Variants in SLC18A3 observed in about 807,000 individuals in gnomAD.
SLC18A3 encodes vesicular acetylcholine transporter.
In SLC18A3, 18 loss-of-function variants were observed where a neutral mutation model predicts 24.2. That is an observed-to-expected ratio of 0.74 (90% confidence interval 0.51 to 1.10). The LOEUF (loss-of-function observed/expected upper bound fraction) is 1.10. SLC18A3 is among the 50% of genes least tolerant of loss of function. The pLI, the probability that SLC18A3 is intolerant of heterozygous loss-of-function variation, is 0.00. For missense variants in SLC18A3, 744 were observed against 750.7 expected (o/e 0.99, Z 0.10); for synonymous variants, 415 against 355.4 (o/e 1.17, Z -1.89).
Position 49,612,012 on chromosome 10 carries a change from C to T in SLC18A3, c.1272C>T (p.Ala424=). The T allele has an allele frequency of 1.2e-6, 2 of 1,613,756 alleles. No individual in the cohort carries two copies. Among genetic ancestry groups the T allele is most frequent in the Non-Finnish European group, 8.5e-7 (1 of 1,179,984 alleles). Residue 424 remains alanine, a synonymous_variant, in exon 1 of 1, where the codon GCC becomes GCT. Transcript: ENST00000374115. ...TCTATGGCAGCGTCTACGCCATCGC[C>T]GACATCTCCTATTCGGTGGCCTACG... ...VSVYGSVYAI[A]DISYSVAYAL...
In SLC18A3 at chr10:49,611,447, A is replaced by T. The variant is rs1228249125; in HGVS notation, c.707A>T (p.Tyr236Phe). The change falls in exon 1 of 1, where the codon TAT (tyrosine) becomes TTT (phenylalanine). Residue 236 changes from tyrosine to phenylalanine, a missense_variant. By Grantham distance (22) the Tyr-to-Phe change is conservative (BLOSUM62 3). This residue lies in a region of SLC18A3 where 566 missense variants were observed against 566.2 expected (regional missense o/e 1.00). Coordinates refer to ENST00000374115, the MANE Select transcript of SLC18A3 (RefSeq NM_003055.3). ...GCCCCGCCCTTCGGGGGCATCCTCT[A>T]TGAGTTCGCCGGCAAGCGCGTGCCC... ...LVAPPFGGIL[Y>F]EFAGKRVPFL... 1 of 1,598,330 alleles carries T rather than the reference A, an allele frequency of 6.3e-7. No individual in the cohort carries two copies. The highest frequency in any genetic ancestry group is 8.5e-7 in the Non-Finnish European group (1 of 1,179,364).
In SLC18A3 at chr10:49,612,139, C is replaced by T. The variant is rs1211145611; in HGVS notation, c.1399C>T (p.Leu467=). 2 of 1,611,912 alleles carry T rather than the reference C, an allele frequency of 1.2e-6. No individual in the cohort carries two copies. Among genetic ancestry groups the T allele is most frequent in the Non-Finnish European group, 1.7e-6 (2 of 1,179,750 alleles). ...LANLLYAPVL[L]LLRNVGLLTR... ...CAACCTGCTCTATGCTCCCGTCTTGCTGCTGCTCCGCAACGTGGGCCTCCT... is the reference window on the plus strand; with the variant it reads ...CAACCTGCTCTATGCTCCCGTCTTGTTGCTGCTCCGCAACGTGGGCCTCCT... The change falls in exon 1 of 1, where the codon CTG becomes TTG. Residue 467 remains leucine (L), a synonymous_variant. Coordinates refer to ENST00000374115, the MANE Select transcript of SLC18A3 (RefSeq NM_003055.3).
chr10:49,612,028 G>A lies in SLC18A3; in HGVS notation c.1288G>A (p.Val430Met), dbSNP rs1291394463. 1 of 1,613,636 alleles carries A rather than the reference G, an allele frequency of 6.2e-7. No homozygotes were observed. The highest frequency in any genetic ancestry group is 8.5e-7 in the Non-Finnish European group (1 of 1,179,986). The change falls in exon 1 of 1, where the codon GTG becomes ATG. Residue 430 changes from valine (V) to methionine (M), a missense_variant. Coordinates refer to ENST00000374115, the MANE Select transcript of SLC18A3 (RefSeq NM_003055.3). ...VYAIADISYSVAYALGPIVAG... is the reference protein window; with the variant it reads ...VYAIADISYSMAYALGPIVAG... ...CGCCATCGCCGACATCTCCTATTCG[G>A]TGGCCTACGCGCTCGGGCCCATAGT...
In SLC18A3 at chr10:49,611,739, G is replaced by A. The variant is rs1323911631; in HGVS notation, c.999G>A (p.Pro333=). The change falls in exon 1 of 1, where the codon CCG becomes CCA. Residue 333 remains proline (P), a synonymous_variant. Coordinates refer to ENST00000374115, the MANE Select transcript of SLC18A3 (RefSeq NM_003055.3). ...GGGAGATGGGCATGGCCTGGCTGCC[G>A]GCCTTCGTGCCTCATGTGCTGGGCG... ...SEWEMGMAWL[P]AFVPHVLGVY... 2.5e-6 allele frequency: 4 copies of A among 1,604,874 alleles called. No individual in the cohort carries two copies. Among genetic ancestry groups the A allele is most frequent in the Non-Finnish European group, 3.4e-6 (4 of 1,179,946 alleles).
chr10:49,611,742 C>A lies in SLC18A3; in HGVS notation c.1002C>A (p.Ala334=). The change falls in exon 1 of 1, where the codon GCC becomes GCA. Residue 334 remains alanine, a synonymous_variant. Transcript: ENST00000374115. ...EWEMGMAWLP[A]FVPHVLGVYL... is the part of the protein sequence containing the mutation. ...AGATGGGCATGGCCTGGCTGCCGGC[C>A]TTCGTGCCTCATGTGCTGGGCGTCT... 6.2e-7 allele frequency: 1 copy of A among 1,604,772 alleles called. No individual in the cohort carries two copies. The highest frequency in any genetic ancestry group is 8.5e-7 in the Non-Finnish European group (1 of 1,179,944).
At position 49,610,893 on chromosome 10, in the gene SLC18A3, G is replaced by T. The variant is rs1838275121; in HGVS notation, c.153G>T (p.Met51Ile). Residue 51 changes from methionine (M) to isoleucine (I), a missense_variant, in exon 1 of 1, where the codon ATG becomes ATT. Around this residue, in one of 3 missense-constraint regions of SLC18A3, gnomAD observed 566 missense variants for 566.2 expected, o/e 1.00. Transcript: ENST00000374115. ...VALLLDNMLY[M>I]VIVPIVPDYI... ...TGTTACTGGACAACATGCTGTACAT[G>T]GTCATCGTGCCCATAGTGCCCGACT... is the stretch of plus-strand genomic sequence containing the variant. 2 of 1,612,972 alleles carry T rather than the reference G, an allele frequency of 1.2e-6. No individual in the cohort carries two copies. The highest frequency in any genetic ancestry group is 1.7e-6 in the Non-Finnish European group (2 of 1,179,462).
rs554262479 is a variant in SLC18A3 at position 49,611,821 on chromosome 10, G to A, written c.1081G>A (p.Ala361Thr). 6.2e-7 allele frequency: 1 copy of A among 1,603,782 alleles called. No homozygotes were observed. Residue 361 changes from alanine to threonine, a missense_variant, in exon 1 of 1, where the codon GCG becomes ACG. By Grantham distance (58) the Ala-to-Thr change is moderately conservative. Coordinates refer to ENST00000374115, the MANE Select transcript of SLC18A3 (RefSeq NM_003055.3). ...CCCACACCTGCAGTGGCTGTACGGC[G>A]CGCTTGGGCTGGCTGTGATCGGCGC... ...RYPHLQWLYG[A>T]LGLAVIGASS...
chr10:49,611,886 G>C lies in SLC18A3; in HGVS notation c.1146G>C (p.Pro382=). 6.2e-7 allele frequency: 1 copy of C among 1,610,256 alleles called. No homozygotes were observed. Among genetic ancestry groups the C allele is most frequent in the Non-Finnish European group, 8.5e-7 (1 of 1,179,934 alleles). The change falls in exon 1 of 1, where the codon CCG becomes CCC. Residue 382 remains proline, a synonymous_variant. Transcript: ENST00000374115. ...CIVPACRSFA[P]LVVSLCGLCF... is the part of the protein sequence containing the mutation. Reference sequence around the variant, plus strand: ...TGCCCGCCTGCCGCTCCTTCGCGCCGCTAGTGGTCTCACTATGCGGCCTCT... The same window carrying C: ...TGCCCGCCTGCCGCTCCTTCGCGCCCCTAGTGGTCTCACTATGCGGCCTCT...
At position 49,610,886 on chromosome 10, in the gene SLC18A3, T is replaced by TGTCCA. The variant is rs1838274929; in HGVS notation, c.148_149insCCAGT (p.Tyr50SerfsTer9). The TGTCCA allele has an allele frequency of 6.2e-7, 1 of 1,613,226 alleles. No individual in the cohort carries two copies. The highest frequency in any genetic ancestry group is 1.7e-5 in the Admixed American group (1 of 59,950). ...GTGGCGCTGTTACTGGACAACATGC[T>TGTCCA]GTACATGGTCATCGTGCCCATAGTG... On this transcript the variant is annotated frameshift_variant, in exon 1 of 1. Coordinates refer to ENST00000374115, the MANE Select transcript of SLC18A3 (RefSeq NM_003055.3). LOFTEE classifies it high-confidence loss of function.
rs1838260723 is a variant in SLC18A3, at chr10:49,610,515, AGCCGCG to A, written c.-224_-219del. On this transcript the variant is annotated 5_prime_UTR_variant, in exon 1 of 1. Transcript: ENST00000374115. ...CTTCCCGGCCGCCCCTGAGCCCAGC[AGCCGCG>A]GGTCCCGGGATCGGCTAAGAGTAGC... 1 of 444,992 alleles carries A rather than the reference AGCCGCG, an allele frequency of 2.2e-6. No individual in the cohort carries two copies. The highest frequency in any genetic ancestry group is 2.0e-5 in the African/African-American group (1 of 48,830). The allele number at this position is 444,992 out of a possible 1,614,324, so 27.6% of individuals were successfully genotyped here.
In SLC18A3 at chr10:49,611,256, C is replaced by A. The variant is rs1210881274; in HGVS notation, c.516C>A (p.Ala172=). 3.7e-6 allele frequency: 6 copies of A among 1,612,930 alleles called. No individual in the cohort carries two copies. The highest frequency in any genetic ancestry group is 2.2e-5 in the South Asian group (2 of 91,072). ...CCTCTACAGTCCTGTTCGCCTTCGC[C>A]GAGGACTACGCCACGCTGTTCGCGG... ...MFASTVLFAF[A]EDYATLFAAR... Residue 172 remains alanine, a synonymous_variant, in exon 1 of 1, where the codon GCC becomes GCA. Coordinates refer to ENST00000374115, the MANE Select transcript of SLC18A3 (RefSeq NM_003055.3).
chr10:49,611,821 G>T lies in SLC18A3; in HGVS notation c.1081G>T (p.Ala361Ser), dbSNP rs554262479. ...RYPHLQWLYG[A>S]LGLAVIGASS... The stretch of plus-strand genomic sequence containing the variant: ...CCCACACCTGCAGTGGCTGTACGGC[G>T]CGCTTGGGCTGGCTGTGATCGGCGC... Residue 361 changes from alanine to serine, a missense_variant, in exon 1 of 1, where the codon GCG (alanine) becomes TCG (serine). Coordinates refer to ENST00000374115, the MANE Select transcript of SLC18A3 (RefSeq NM_003055.3). 2.1e-5 allele frequency: 34 copies of T among 1,603,782 alleles called. 1 individual carries two copies. The South Asian group carries it at 3.5e-4, about 17-fold the overall frequency.
rs1838315890 is a variant in SLC18A3 at position 49,612,131 on chromosome 10, C to A, written c.1391C>A (p.Pro464His). 1 of 1,612,190 alleles carries A rather than the reference C, an allele frequency of 6.2e-7. No individual in the cohort carries two copies. Among genetic ancestry groups the A allele is most frequent in the Non-Finnish European group, 8.5e-7 (1 of 1,179,748 alleles). Residue 464 changes from proline to histidine, a missense_variant, in exon 1 of 1, where the codon CCC (proline) becomes CAC (histidine). By Grantham distance (77) the Pro-to-His change is moderately conservative. Coordinates refer to ENST00000374115, the MANE Select transcript of SLC18A3 (RefSeq NM_003055.3). Reference sequence around the variant, plus strand: ...GGACTGGCCAACCTGCTCTATGCTCCCGTCTTGCTGCTGCTCCGCAACGTG... The same window carrying A: ...GGACTGGCCAACCTGCTCTATGCTCACGTCTTGCTGCTGCTCCGCAACGTG... ...GMGLANLLYA[P>H]VLLLLRNVGL... is the part of the protein sequence containing the mutation.
In SLC18A3 at chr10:49,611,091, G is replaced by A. The variant is rs1258093533; in HGVS notation, c.351G>A (p.Thr117=). ...CAGCCCTTCGGCCCCGCTACCCTAC[G>A]GAGAGCGAAGACGTGAAGATCGGGG... ...AGSALRPRYP[T]ESEDVKIGVL... Residue 117 remains threonine (T), a synonymous_variant, in exon 1 of 1, where the codon ACG becomes ACA. Transcript: ENST00000374115. 1 of 1,614,078 alleles carries A rather than the reference G, an allele frequency of 6.2e-7. No individual in the cohort carries two copies.
Position 49,611,006 on chromosome 10 carries a change from A to T in SLC18A3, c.266A>T (p.Asn89Ile). 1 of 1,613,566 alleles carries T rather than the reference A, an allele frequency of 6.2e-7. No homozygotes were observed. Among genetic ancestry groups the T allele is most frequent in the Non-Finnish European group, 8.5e-7 (1 of 1,179,694 alleles). The change falls in exon 1 of 1, where the codon AAT (asparagine) becomes ATT (isoleucine). Residue 89 changes from asparagine (N) to isoleucine (I), a missense_variant. This residue lies in a region of SLC18A3 where 566 missense variants were observed against 566.2 expected (regional missense o/e 1.00). Coordinates refer to ENST00000374115, the MANE Select transcript of SLC18A3 (RefSeq NM_003055.3). ...EPTLPLPTPA[N>I]ASAYTANTSA... is the part of the protein sequence containing the mutation. ...ACCCTGCCGCTGCCCACTCCGGCCA[A>T]TGCCAGCGCCTACACGGCCAACACC...
In SLC18A3 at chr10:49,610,438, G is replaced by T. The variant is rs1564465148; in HGVS notation, c.-303G>T. The T allele has an allele frequency of 2.9e-6, 1 of 339,586 alleles. No individual in the cohort carries two copies. The highest frequency in any genetic ancestry group is 4.4e-5 in the East Asian group (1 of 22,812). 21.0% of individuals were successfully genotyped at this position (339,586 alleles called of 1,614,324 possible). A position where few individuals can be genotyped will look rare whatever the true frequency, so the allele number is the denominator to read the frequency against. On this transcript the variant is annotated 5_prime_UTR_variant, in exon 1 of 1. Coordinates refer to ENST00000374115, the MANE Select transcript of SLC18A3 (RefSeq NM_003055.3). ...GCGCGGCGGGGGCTGCTCTGGGCGCGCCCCGGGCGAAGTGCGCCCAGTCTC... is the reference window on the plus strand; with the variant it reads ...GCGCGGCGGGGGCTGCTCTGGGCGCTCCCCGGGCGAAGTGCGCCCAGTCTC...
rs765432284 is a variant in SLC18A3 at position 49,611,860 on chromosome 10, G to A, written c.1120G>A (p.Val374Met). The stretch of plus-strand genomic sequence containing the variant: ...TGTGATCGGCGCCAGCTCGTGCATC[G>A]TGCCCGCCTGCCGCTCCTTCGCGCC... ...LAVIGASSCIVPACRSFAPLV... is the reference protein window; with the variant it reads ...LAVIGASSCIMPACRSFAPLV... Residue 374 changes from valine (V) to methionine (M), a missense_variant, in exon 1 of 1, where the codon GTG becomes ATG. By Grantham distance (21) the Val-to-Met change is conservative (BLOSUM62 1). This residue lies in a region of SLC18A3 where 566 missense variants were observed against 566.2 expected (regional missense o/e 1.00). Transcript: ENST00000374115. 3.1e-6 allele frequency: 5 copies of A among 1,605,948 alleles called. No homozygotes were observed. The highest frequency in any genetic ancestry group is 3.4e-6 in the Non-Finnish European group (4 of 1,179,800).
In SLC18A3 at chr10:49,612,268, G is replaced by A; in HGVS notation, c.1528G>A (p.Glu510Lys). 1 of 1,610,948 alleles carries A rather than the reference G, an allele frequency of 6.2e-7. No homozygotes were observed. The highest frequency in any genetic ancestry group is 8.5e-7 in the Non-Finnish European group (1 of 1,179,894). ...GCGTCCTGTGTCTGGCCAGGACGGC[G>A]AGCCTCGCAGCCCGCCTGGCCCTTT... The part of the protein sequence containing the change: ...RERPVSGQDG[E>K]PRSPPGPFDA... Residue 510 changes from glutamate to lysine, a missense_variant, in exon 1 of 1, where the codon GAG becomes AAG. Physicochemically the swap from Glu to Lys is moderately conservative, Grantham distance 56 (BLOSUM62 1). Around this residue, in one of 3 missense-constraint regions of SLC18A3, gnomAD observed 160 missense variants for 140.9 expected, o/e 1.14. Coordinates refer to ENST00000374115, the MANE Select transcript of SLC18A3 (RefSeq NM_003055.3).
At position 49,610,956 on chromosome 10, in the gene SLC18A3, C is replaced by T; in HGVS notation, c.216C>T (p.Thr72=). Residue 72 remains threonine, a synonymous_variant, in exon 1 of 1, where the codon ACC becomes ACT. Transcript: ENST00000374115. ...TGCGCGGGGGCGGCGAGGGCCCCAC[C>T]CGGACTCCCGAGGTGTGGGAGCCCA... ...AHMRGGGEGP[T]RTPEVWEPTL... is the part of the protein sequence containing the mutation. The T allele has an allele frequency of 6.2e-7, 1 of 1,610,804 alleles. No individual in the cohort carries two copies. The highest frequency in any genetic ancestry group is 8.5e-7 in the Non-Finnish European group (1 of 1,178,040).
Sources: gnomAD v4.1 joint callset for allele counts on GRCh38, gnomAD v4.1.1 for gene constraint, gnomAD v4.1.1 regional missense constraint, MANE v1.5 for transcripts, NCBI Gene and HGNC (gene_info 2026-07-23, HGNC 2026-07-21) for gene names.